The following SNX29 variants were observed in gnomAD, a reference collection of about 807,000 sequenced individuals.
SNX29 encodes sorting nexin 29.
In SNX29, 78 loss-of-function variants were observed where a neutral mutation model predicts 102.1. The observed-to-expected ratio is 0.76, with a 90% CI of 0.64 to 0.92. The LOEUF (loss-of-function observed/expected upper bound fraction) is 0.92, where lower values mean the gene tolerates loss of function less well. Among genes scored for constraint, SNX29 ranks in the 40% least tolerant of loss-of-function variants. The probability of loss-of-function intolerance (pLI) is 0.00; values close to 1 mark genes in which losing one functional copy is unlikely to be tolerated. For missense variants in SNX29, 1,280 were observed against 1,061.7 expected (o/e 1.21, Z -2.86); for synonymous variants, 580 against 414.5 (o/e 1.40, Z -4.85).
Position 12,569,829 on chromosome 16 carries a change from G to A in SNX29, c.*1200G>A, listed in dbSNP as rs978292678. On this transcript the variant is annotated 3_prime_UTR_variant, in exon 21 of 21. Transcript: ENST00000566228. ...AAAGTTGTGGCAGTTTGCATTTCTA[G>A]GGTAAACTAACTAGGAAGGATGTCG... 2 of 230,356 alleles carry A rather than the reference G, an allele frequency of 8.7e-6. No homozygotes were observed. The highest frequency in any genetic ancestry group is 2.2e-5 in the African/African-American group (1 of 45,166). The allele number at this position is 230,356 out of a possible 1,614,324, so 14.3% of individuals were successfully genotyped here.
intron 15 of SNX29, among the ~76,000 whole-genome samples, chr16:12,296,570 A>C (rs989880389): frequency 2.0e-5 from 3 of 152,256 alleles, no homozygotes; most frequent in South Asian, 2.1e-4. Context: ...AGCCCAAGAC[A>C]ATTTGTAAAC....
At chr16:12,155,400 T>C (rs1203141708) in intron 13 of SNX29, among the ~76,000 whole-genome samples, 1 of 152,138 alleles carries the variant, frequency 6.6e-6, no homozygotes, top group Non-Finnish European at 1.5e-5. Context: ...AGAATGTTTC[T>C]CTTCTTGAGA....
In SNX29 at chr16:11,976,765, C is replaced by G; in HGVS notation, c.-42C>G. The G allele has an allele frequency of 7.7e-7, 1 of 1,294,518 alleles. No individual in the cohort carries two copies. Among genetic ancestry groups the G allele is most frequent in the East Asian group, 3.2e-5 (1 of 31,462 alleles). 80.2% of individuals were successfully genotyped at this position (1,294,518 alleles called of 1,614,324 possible). On this transcript the variant is annotated 5_prime_UTR_variant, in exon 1 of 21. Coordinates refer to ENST00000566228, the MANE Select transcript of SNX29 (RefSeq NM_032167.5). The stretch of plus-strand genomic sequence containing the variant: ...AGCTCGGCAGCCGCAGAAGCGGCAG[C>G]GGCGGCGGCGCGGCGCAGGCACCGG...
rs571981085 is a variant in SNX29 at position 12,151,831 on chromosome 16, G to A, written c.1595+22073G>A. Among the ~76,000 whole-genome samples, 5 of 152,186 alleles carry A rather than the reference G, an allele frequency of 3.3e-5. No homozygotes were observed. The South Asian group carries it at 1.0e-3, about 31-fold the overall frequency. On this transcript the variant is annotated intron_variant, in intron 13 of 20. Coordinates refer to ENST00000566228, the MANE Select transcript of SNX29 (RefSeq NM_032167.5). Reference sequence around the variant, plus strand: ...TCTCACTGCAACCTCTGCCTCCCGGGTTCAAGTGATTCTCCTGCCTCAGCC... The same window carrying A: ...TCTCACTGCAACCTCTGCCTCCCGGATTCAAGTGATTCTCCTGCCTCAGCC...
chr16:12,426,811 G>C (rs1597341918), intron 18 of SNX29, among the ~76,000 whole-genome samples: 2 of 152,118 alleles, frequency 1.3e-5, no homozygotes, highest in East Asian at 3.9e-4. Flanking sequence ...GATTACAGGT[G>C]CATGCTACCA....
At chr16:12,556,489 G>C (rs911357471) in intron 20 of SNX29, 4 of 152,308 alleles carry the variant, frequency 2.6e-5, no homozygotes, top group African/African-American at 9.6e-5. Flanking sequence ...AGGAGTTAGG[G>C]CATGGCAGGC....
intron 18 of SNX29, among the ~76,000 whole-genome samples, chr16:12,406,713 TC>T (rs1408103595): frequency 6.6e-6 from 1 of 152,086 alleles, no homozygotes; most frequent in Non-Finnish European, 1.5e-5. Flanking sequence ...TTCAAGACCA[TC>T]CTGGCCAACA....
intron 15 of SNX29, among the ~76,000 whole-genome samples, chr16:12,354,687 C>T (rs1015757419): frequency 3.3e-5 from 5 of 152,130 alleles, no homozygotes; most frequent in African/African-American, 1.2e-4. Context: ...AGAGGAAGCT[C>T]GTGGGGGGTT....
intron 14 of SNX29, among the ~76,000 whole-genome samples, chr16:12,211,145 C>T (rs1349840990): frequency 6.6e-6 from 1 of 152,152 alleles, no homozygotes; most frequent in African/African-American, 2.4e-5. Context: ...GGCACCGTTT[C>T]ATTCATTCAG....
At chr16:12,009,791 A>T (rs556385897) in intron 3 of SNX29, among the ~76,000 whole-genome samples, 1 of 152,152 alleles carries the variant, frequency 6.6e-6, no homozygotes, top group Non-Finnish European at 1.5e-5. Context: ...AAGCTTTAAG[A>T]TATCTTTGGA....
At position 12,246,323 on chromosome 16, in the gene SNX29, T is replaced by A. The variant is rs115474814; in HGVS notation, c.1679-31610T>A. ...GTCTCTGGATTAAAAACAGTGCTAA[T>A]GCCCTCAATGTCTGCATGAAAAAAA... is the stretch of plus-strand genomic sequence containing the variant. On this transcript the variant is annotated intron_variant, in intron 14 of 20. Transcript: ENST00000566228. Among the ~76,000 whole-genome samples the A allele has an allele frequency of 2.4e-3, 370 of 151,900 alleles. 1 individual carries two copies. Among genetic ancestry groups the A allele is most frequent in the African/African-American group, 8.4e-3 (347 of 41,410 alleles).
At chr16:12,493,288 T>C (rs537637170) in intron 19 of SNX29, among the ~76,000 whole-genome samples, 28 of 152,288 alleles carry the variant, frequency 1.8e-4, no homozygotes, top group African/African-American at 6.5e-4. Context: ...TTTTATTCTC[T>C]TTGAAGCAAT....
intron 20 of SNX29, among the ~76,000 whole-genome samples, chr16:12,549,485 C>A (rs1597923280): frequency 7.6e-6 from 1 of 132,388 alleles, no homozygotes; most frequent in East Asian, 4.3e-4. Context: ...ACAGGAAGAT[C>A]CTCACACATA....
At chr16:12,496,119 G>GA (rs1432686957) in intron 19 of SNX29, among the ~76,000 whole-genome samples, 2 of 152,236 alleles carry the variant, frequency 1.3e-5, no homozygotes, top group African/African-American at 4.8e-5. Context: ...CAGACATGGA[G>GA]ACGTGGAGCC....
In SNX29 at chr16:12,532,993, C is replaced by G. The variant is rs562835854; in HGVS notation, c.2318+8152C>G. 3.1e-3 allele frequency among the ~76,000 whole-genome samples: 468 copies of G among 152,340 alleles called. 3 individuals carry two copies. Among genetic ancestry groups the G allele is most frequent in the African/African-American group, 0.011 (441 of 41,588 alleles). ...GCGCAGCACGGCTGTGGTGGCATCC[C>G]TGAGCCCCTCGTCTGTGGGGAGAGT... On this transcript the variant is annotated intron_variant, in intron 20 of 20. Coordinates refer to ENST00000566228, the MANE Select transcript of SNX29 (RefSeq NM_032167.5).
rs762204962 is a variant in SNX29 at position 12,572,835 on chromosome 16, G to GC, written c.*4208dup. 9 of 1,063,928 alleles carry GC rather than the reference G, an allele frequency of 8.5e-6. No individual in the cohort carries two copies. The highest frequency in any genetic ancestry group is 9.1e-6 in the Non-Finnish European group (8 of 878,386). The allele number at this position is 1,063,928 out of a possible 1,614,324, so 65.9% of individuals were successfully genotyped here. On this transcript the variant is annotated 3_prime_UTR_variant, in exon 21 of 21. Transcript: ENST00000566228. Reference sequence around the variant, plus strand: ...GTTAGGAGGCATCCCAGAAGGGGCAGCCTCATGCCCAGGTTTCAGCCCTAA... The same window carrying GC: ...GTTAGGAGGCATCCCAGAAGGGGCAGCCCTCATGCCCAGGTTTCAGCCCTAA...
In SNX29 at chr16:12,472,617, T is replaced by G. The variant is rs150730072; in HGVS notation, c.2038-5102T>G. Among the ~76,000 whole-genome samples the G allele has an allele frequency of 3.3e-5, 5 of 151,956 alleles. No homozygotes were observed. In the East Asian group the frequency reaches 9.7e-4, roughly 29 times the overall value. On this transcript the variant is annotated intron_variant, in intron 18 of 20. Coordinates refer to ENST00000566228, the MANE Select transcript of SNX29 (RefSeq NM_032167.5). ...AGCATTGCGGGAGAGCACTATTGAT[T>G]AGAACAGGGCACAGTCAAGTCTCAT... is the stretch of plus-strand genomic sequence containing the variant.
intron 3 of SNX29, among the ~76,000 whole-genome samples, chr16:12,011,514 A>G (rs1240389312): frequency 6.6e-6 from 1 of 152,052 alleles, no homozygotes; most frequent in African/African-American, 2.4e-5. Flanking sequence ...ACCTCAGGTG[A>G]TCCACCCTTC....
At chr16:12,127,275 A>AG (rs2054255445) in intron 12 of SNX29, among the ~76,000 whole-genome samples, 1 of 151,972 alleles carries the variant, frequency 6.6e-6, no homozygotes, top group South Asian at 2.1e-4. Context: ...AAAAAATAAA[A>AG]TAAAATAAAA....
Sources: gnomAD v4.1 joint callset for allele counts (sites outside exome capture counted in the v4.1 genomes callset) on GRCh38, gnomAD v4.1.1 for gene constraint, MANE v1.5 for transcripts, NCBI Gene and HGNC (gene_info 2026-07-23, HGNC 2026-07-21) for gene names.